Variants in HDAC8 observed in about 807,000 individuals in gnomAD.
The protein encoded by HDAC8 is histone deacetylase 8.
HDAC8 carries 1 observed loss-of-function variant against 32.2 expected under a neutral mutation model. That is an observed-to-expected ratio of 0.03 (90% CI 0.01 to 0.15). The LOEUF (loss-of-function observed/expected upper bound fraction) is 0.15. HDAC8 is among the 10% of genes least tolerant of loss of function. The pLI is 1.00. For synonymous variants in HDAC8, 108 were observed against 113.9 expected (o/e 0.95, Z 0.33); for missense variants, 117 against 300.0 (o/e 0.39, Z 4.51).
chrX:72,441,081 T>C (rs905764793), intron 9 of HDAC8, among the ~76,000 whole-genome samples: 13 of 113,072 alleles, frequency 1.1e-4, no homozygotes, highest in African/African-American at 3.2e-4. Flanking sequence ...CCTGCCTGCC[T>C]CTGTAGGCTC....
intron 10 of HDAC8, among the ~76,000 whole-genome samples, chrX:72,345,836 C>A (rs1320350182): frequency 9.1e-6 from 1 of 110,494 alleles, no homozygotes; most frequent in Non-Finnish European, 1.9e-5. Flanking sequence ...TATATACAAC[C>A]ACATCCGGCT....
chrX:72,348,664 C>T (rs1429239635), intron 10 of HDAC8, among the ~76,000 whole-genome samples: 1 of 111,846 alleles, frequency 8.9e-6, no homozygotes, highest in Admixed American at 9.5e-5. Context: ...AATGGAAAGT[C>T]TGAACATTCC....
intron 4 of HDAC8, among the ~76,000 whole-genome samples, chrX:72,500,914 C>T (rs1180743166): frequency 1.8e-5 from 2 of 112,081 alleles, no homozygotes; most frequent in African/African-American, 6.5e-5. Context: ...TAAACAGCTT[C>T]AGCAAAGTTT....
At chrX:72,567,696 C>T (rs782694840) in intron 4 of HDAC8, 193 bp downstream of exon 4, 2 of 1,192,789 alleles carry the variant, frequency 1.7e-6, no homozygotes, top group African/African-American at 3.5e-5. Context: ...GGTGTCCTGA[C>T]TTTGAGCAGT....
At position 72,365,556 on chromosome X, in the gene HDAC8, G is replaced by A. The variant is rs782276344; in HGVS notation, c.1006-13718C>T. Among the ~76,000 whole-genome samples, 40 of 111,446 alleles carry A rather than the reference G, an allele frequency of 3.6e-4. 1 individual carries two copies. Among genetic ancestry groups the A allele is most frequent in the Non-Finnish European group, 1.1e-4 (6 of 53,084 alleles). ...GGGAGGCAATTGAACTGGCCTTGAA[G>A]GATGAGCAAGATTTAAGTAAGAAGG... On this transcript the variant is annotated intron_variant, in intron 9 of 10. Coordinates refer to ENST00000373573, the MANE Select transcript of HDAC8 (RefSeq NM_018486.3).
At chrX:72,461,335 C>T (rs781880631) in intron 9 of HDAC8, among the ~76,000 whole-genome samples, 3 of 111,909 alleles carry the variant, frequency 2.7e-5, no homozygotes, top group Non-Finnish European at 3.8e-5. Context: ...TATCAGCACA[C>T]TCACAGGTCC....
At chrX:72,390,045 G>A (rs1555963233) in intron 9 of HDAC8, among the ~76,000 whole-genome samples, 2 of 110,171 alleles carry the variant, frequency 1.8e-5, no homozygotes, top group South Asian at 7.7e-4. Flanking sequence ...TTTAATTTTT[G>A]TGGGTATATA....
chrX:72,512,731 T>C (rs781872853), intron 4 of HDAC8, among the ~76,000 whole-genome samples: 33 of 111,532 alleles, frequency 3.0e-4, no homozygotes, highest in Non-Finnish European at 5.6e-4. Context: ...TGTCCCCTCC[T>C]GGGTCGCACA....
chrX:72,551,912 C>T (rs2051082973), intron 4 of HDAC8, among the ~76,000 whole-genome samples: 1 of 111,766 alleles, frequency 8.9e-6, no homozygotes, highest in African/African-American at 3.3e-5. Context: ...TTTCTTGGTG[C>T]CAGAATTTCA....
chrX:72,393,551 A>T (rs1277997209), intron 9 of HDAC8, among the ~76,000 whole-genome samples: 4 of 111,719 alleles, frequency 3.6e-5, no homozygotes, highest in Non-Finnish European at 3.8e-5. Context: ...TACGTCCCTC[A>T]GTTGAAGGAT....
At chrX:72,346,577 G>A (rs2044034138) in intron 10 of HDAC8, among the ~76,000 whole-genome samples, 1 of 112,190 alleles carries the variant, frequency 8.9e-6, no homozygotes, top group Non-Finnish European at 1.9e-5. Context: ...GTTCTCCTAA[G>A]AATATTACCA....
At chrX:72,516,582 C>T (rs1556025249) in intron 4 of HDAC8, among the ~76,000 whole-genome samples, 2 of 111,091 alleles carry the variant, frequency 1.8e-5, no homozygotes, top group Admixed American at 9.6e-5. Context: ...TAGCATCTGA[C>T]CCCTTTCTGC....
chrX:72,388,330 G>A (rs782118278), intron 9 of HDAC8, among the ~76,000 whole-genome samples: 9 of 109,473 alleles, frequency 8.2e-5, no homozygotes, highest in East Asian at 5.8e-4. Context: ...GTCTAGATGC[G>A]CTGATCCCCC....
Position 72,408,145 on chromosome X carries a change from A to G in HDAC8, c.1005+53859T>C, listed in dbSNP as rs200482813. The stretch of plus-strand genomic sequence containing the variant: ...AAAATCCTGCCCTTTAGAATCTCAC[A>G]TTCTAGGGGAGGGACAGAACTGATA... On this transcript the variant is annotated intron_variant, in intron 9 of 10. Coordinates refer to ENST00000373573, the MANE Select transcript of HDAC8 (RefSeq NM_018486.3). 1.6e-4 allele frequency among the ~76,000 whole-genome samples: 18 copies of G among 112,089 alleles called. No homozygotes were observed. In the East Asian group the frequency reaches 2.8e-3, roughly 17 times the overall value.
intron 4 of HDAC8, among the ~76,000 whole-genome samples, chrX:72,515,303 C>G (rs1440713323): frequency 9.0e-6 from 1 of 111,080 alleles, no homozygotes; most frequent in African/African-American, 3.3e-5. Context: ...TGATTTAGCT[C>G]ATTTAGCCTA....
intron 9 of HDAC8, among the ~76,000 whole-genome samples, chrX:72,407,613 G>A (rs1408320146): frequency 9.0e-6 from 1 of 111,656 alleles, no homozygotes; most frequent in East Asian, 2.8e-4. Flanking sequence ...GACAGAAGCC[G>A]AAGTTGGAGT....
chrX:72,526,153 G>C (rs2050146598), intron 4 of HDAC8, among the ~76,000 whole-genome samples: 1 of 111,162 alleles, frequency 9.0e-6, no homozygotes, highest in Admixed American at 9.6e-5. Context: ...CCAGCCCTTA[G>C]GTACTTTAGT....
At chrX:72,418,045 T>C (rs1435327032) in intron 9 of HDAC8, among the ~76,000 whole-genome samples, 1 of 111,856 alleles carries the variant, frequency 8.9e-6, no homozygotes, top group Non-Finnish European at 1.9e-5. Flanking sequence ...TCTGTCACCA[T>C]ATACAAAAAT....
intron 4 of HDAC8, among the ~76,000 whole-genome samples, chrX:72,560,544 C>A (rs2051512009): frequency 1.3e-5 from 1 of 78,143 alleles, no homozygotes; most frequent in African/African-American, 4.9e-5. Context: ...CGAGAAACAC[C>A]AAAGAATGAT....
Sources: gnomAD v4.1 joint callset for allele counts (sites outside exome capture counted in the v4.1 genomes callset) on GRCh38, gnomAD v4.1.1 for gene constraint, MANE v1.5 for transcripts, NCBI Gene and HGNC (gene_info 2026-07-23, HGNC 2026-07-21) for gene names.